Variants in CHUK observed in about 807,000 individuals in gnomAD.
CHUK encodes inhibitor of nuclear factor kappa-B kinase subunit alpha.
CHUK carries 35 observed loss-of-function variants against 104.8 expected under a neutral mutation model. The observed-to-expected ratio is 0.33, with a 90% CI of 0.26 to 0.44. The LOEUF is 0.44. CHUK is among the 20% of genes least tolerant of loss of function. The probability of loss-of-function intolerance (pLI) is 1.00; values close to 1 mark genes in which losing one functional copy is unlikely to be tolerated. For synonymous variants in CHUK, 276 were observed against 291.9 expected (o/e 0.95, Z 0.56); for missense variants, 663 against 902.7 (o/e 0.73, Z 3.40).
chr10:100,218,126 C>T lies in CHUK; in HGVS notation c.802G>A (p.Val268Ile), dbSNP rs2230804. 818,171 of 1,605,460 alleles carry T rather than the reference C, an allele frequency of 0.51. 213,829 individuals carry two copies. Among genetic ancestry groups the T allele is most frequent in the African/African-American group, 0.75 (56,318 of 74,728 alleles). ...AGCCAGTTTTCCATGGGTTCTACTA[C>T]TAAACTAGAAAACATACAAAATAGG... ...LPQPNSLCSL[V>I]VEPMENWLQL... The change falls in exon 9 of 21, where the codon GTA (valine) becomes ATA (isoleucine). Residue 268 changes from valine to isoleucine, a missense_variant. Coordinates refer to ENST00000370397, the MANE Select transcript of CHUK (RefSeq NM_001278.5).
intron 2 of CHUK, among the ~76,000 whole-genome samples, 161 bp from the exon 3 acceptor site, chr10:100,223,141 T>G (rs1846029202): frequency 1.3e-5 from 2 of 152,196 alleles, no homozygotes; most frequent in African/African-American, 2.4e-5. Context: ...AATTAGTAAT[T>G]TTTTAAAAGA....
At chr10:100,210,486 T>C (rs1302174268) in intron 9 of CHUK, among the ~76,000 whole-genome samples, 6 of 152,190 alleles carry the variant, frequency 3.9e-5, no homozygotes, top group Non-Finnish European at 5.9e-5. Context: ...ATAAACCACT[T>C]TCACATAACA....
At chr10:100,201,190 T>C (rs1845453352) in intron 14 of CHUK, among the ~76,000 whole-genome samples, 1 of 152,148 alleles carries the variant, frequency 6.6e-6, no homozygotes, top group South Asian at 2.1e-4. Flanking sequence ...ATAAAGAACT[T>C]GGATTTCCCA....
At chr10:100,214,175 G>A (rs915539548) in intron 9 of CHUK, among the ~76,000 whole-genome samples, 1 of 152,080 alleles carries the variant, frequency 6.6e-6, no homozygotes, top group African/African-American at 2.4e-5. Context: ...CAGGCCAGAA[G>A]GAAGCAAAAG....
chr10:100,212,822 T>G (rs1427919306), intron 9 of CHUK, among the ~76,000 whole-genome samples: 2 of 151,810 alleles, frequency 1.3e-5, no homozygotes, highest in Non-Finnish European at 2.9e-5. Flanking sequence ...CTGGCCAACA[T>G]GGTGAAACCT....
At position 100,189,139 on chromosome 10, in the gene CHUK, CT is replaced by C; in HGVS notation, c.*458del. 6.3e-6 allele frequency: 1 copy of C among 158,268 alleles called. No individual in the cohort carries two copies. Among genetic ancestry groups the C allele is most frequent in the Non-Finnish European group, 1.4e-5 (1 of 71,580 alleles). 9.8% of individuals were successfully genotyped at this position (158,268 alleles called of 1,614,324 possible). A position where few individuals can be genotyped will look rare whatever the true frequency, so the allele number is the denominator to read the frequency against. On this transcript the variant is annotated 3_prime_UTR_variant, in exon 21 of 21. Transcript: ENST00000370397. ...TCAAGAAATAGAACTTGTGAGCAGCCTTTTTAGAAAAAAACACAGGTAGACT... is the reference window on the plus strand; with the variant it reads ...TCAAGAAATAGAACTTGTGAGCAGCCTTTTAGAAAAAAACACAGGTAGACT...
At chr10:100,218,888 T>C in intron 7 of CHUK, 63 bp from the exon 8 acceptor site, 1 of 1,502,886 alleles carries the variant, frequency 6.7e-7, no homozygotes, top group Non-Finnish European at 9.2e-7. Flanking sequence ...TTTCTTGCCA[T>C]TTAATTATAT....
chr10:100,215,038 C>T (rs578120419), intron 9 of CHUK, among the ~76,000 whole-genome samples: 1 of 151,896 alleles, frequency 6.6e-6, no homozygotes, highest in South Asian at 2.1e-4. Context: ...GTGTCAAGAC[C>T]AGCCTGGCCA....
chr10:100,196,421 T>A (rs1845331046), intron 16 of CHUK, among the ~76,000 whole-genome samples: 1 of 150,730 alleles, frequency 6.6e-6, no homozygotes, highest in Admixed American at 6.6e-5. Flanking sequence ...AGTCTTGCTC[T>A]GTCAACCCAG....
intron 10 of CHUK, among the ~76,000 whole-genome samples, chr10:100,209,354 T>A (rs1373613457): frequency 2.0e-5 from 3 of 152,148 alleles, no homozygotes; most frequent in African/African-American, 2.4e-5. Flanking sequence ...GACCCTCAGT[T>A]TGGTCTGGGA....
At chr10:100,198,938 GT>G (rs1845399587) in intron 16 of CHUK, among the ~76,000 whole-genome samples, 3 of 152,074 alleles carry the variant, frequency 2.0e-5, no homozygotes, top group Admixed American at 2.0e-4. Context: ...GTACATAATA[GT>G]TTATAGTTTT....
intron 9 of CHUK, among the ~76,000 whole-genome samples, chr10:100,212,039 T>G (rs1425517583): frequency 6.6e-6 from 1 of 152,136 alleles, no homozygotes; most frequent in African/African-American, 2.4e-5. Context: ...TGCACCACCA[T>G]GCCCAGCTAA....
At chr10:100,218,644 C>G (rs1845916190) in intron 8 of CHUK, 74 bp downstream of exon 8, 1 of 970,414 alleles carries the variant, frequency 1.0e-6, no homozygotes, top group Admixed American at 1.7e-5. Context: ...CAACTTGAAA[C>G]AGACAACTAC....
At chr10:100,213,062 A>G (rs936240911) in intron 9 of CHUK, among the ~76,000 whole-genome samples, 5 of 152,138 alleles carry the variant, frequency 3.3e-5, no homozygotes, top group Non-Finnish European at 7.4e-5. Flanking sequence ...GATACTGAAT[A>G]TTCCCAACAC....
chr10:100,220,790 G>A (rs771605727), intron 4 of CHUK, 114 bp from the exon 5 acceptor site: 32 of 702,342 alleles, frequency 4.6e-5, no homozygotes, highest in African/African-American at 1.1e-4. Flanking sequence ...ATGGATCATC[G>A]TAACTACACA....
intron 13 of CHUK, 68 bp downstream of exon 13, chr10:100,204,435 TAAG>T: frequency 7.6e-7 from 1 of 1,317,424 alleles, no homozygotes; most frequent in Non-Finnish European, 1.1e-6. Flanking sequence ...CTGGCTGAGT[TAAG>T]AAGGCAAAAT....
rs1845985272 is a variant in CHUK at position 100,221,467 on chromosome 10, G to A, written c.385+645C>T. 1.3e-5 allele frequency among the ~76,000 whole-genome samples: 2 copies of A among 151,934 alleles called. 1 individual carries two copies. The highest frequency in any genetic ancestry group is 4.2e-4 in the South Asian group (2 of 4,818). ...ACAAACAAAAAAGAGTTGACTTGAG[G>A]ACCCATCCCTCAAGGAGATGTAATT... On this transcript the variant is annotated intron_variant, in intron 4 of 20. Coordinates refer to ENST00000370397, the MANE Select transcript of CHUK (RefSeq NM_001278.5).
At position 100,193,073 on chromosome 10, in the gene CHUK, T is replaced by C. The variant is rs1845240956; in HGVS notation, c.2108+225A>G. On this transcript the variant is annotated intron_variant, in intron 19 of 20. Coordinates refer to ENST00000370397, the MANE Select transcript of CHUK (RefSeq NM_001278.5). ...TTATTTCCCAAGCACTTTATATACA[T>C]TGTCTAATCAAATTTCCACAGCAGT... 4 of 569,156 alleles carry C rather than the reference T, an allele frequency of 7.0e-6. No individual in the cohort carries two copies. In the Admixed American group the frequency reaches 8.8e-5, roughly 13 times the overall value. The allele number at this position is 569,156 out of a possible 1,614,324, so 35.3% of individuals were successfully genotyped here.
chr10:100,220,919 A>T (rs972116300), intron 4 of CHUK, among the ~76,000 whole-genome samples: 1 of 152,188 alleles, frequency 6.6e-6, no homozygotes, highest in Non-Finnish European at 1.5e-5. Flanking sequence ...TAGAAATGCA[A>T]CAAGCAATTG....
Sources: allele counts gnomAD v4.1 joint callset (sites outside exome capture counted in the v4.1 genomes callset), GRCh38; gene constraint gnomAD v4.1.1; transcripts MANE v1.5; gene names NCBI Gene and HGNC (gene_info 2026-07-23, HGNC 2026-07-21).